The following SULF2 variants were observed in gnomAD, a reference collection of about 807,000 sequenced individuals.
SULF2 encodes extracellular sulfatase Sulf-2.
Under a neutral mutation model 107.7 loss-of-function variants are expected in SULF2, and 52 were observed. The ratio of observed to expected loss-of-function variants is 0.48; its 90% CI spans 0.39 to 0.61. The LOEUF (loss-of-function observed/expected upper bound fraction) is 0.61, where lower values mean the gene tolerates loss of function less well. SULF2 is among the 20% of genes least tolerant of loss of function. The probability of loss-of-function intolerance (pLI) is 0.00; values close to 1 mark genes in which losing one functional copy is unlikely to be tolerated. For synonymous variants in SULF2, 460 were observed against 464.3 expected, an observed-to-expected ratio of 0.99 and a Z score of 0.12; for missense variants, 993 against 1,177.3, an observed-to-expected ratio of 0.84 and a Z score of 2.29.
At chr20:47,661,742 C>A in intron 18 of SULF2, 31 bp downstream of exon 18, 1 of 1,500,660 alleles carries the variant, frequency 6.7e-7, no homozygotes, top group South Asian at 1.3e-5. Context: ...ACCCTGCTGT[C>A]CAAGGGCCCC....
chr20:47,678,685 G>A lies in SULF2; in HGVS notation c.1184C>T (p.Pro395Leu), dbSNP rs114538322. ...SILKLLDTER[P>L]VNRFHLKKKM... ...CCTGCTCCGTCCTCACCGATTCACCGGCCGCTCCGTGTCCAGCAGCTTGAG... is the reference window on the plus strand; with the variant it reads ...CCTGCTCCGTCCTCACCGATTCACCAGCCGCTCCGTGTCCAGCAGCTTGAG... The change falls in exon 8 of 21, where the codon CCG (proline) becomes CTG (leucine). Residue 395 changes from proline (P) to leucine (L), a missense_variant. Coordinates refer to ENST00000688720, the MANE Select transcript of SULF2 (RefSeq NM_001387048.1). This position sits in a 1 kb window ranked among gnomAD's most constrained non-coding sequence, Gnocchi z 4.5. 1.2e-4 allele frequency: 197 copies of A among 1,613,802 alleles called. No homozygotes were observed. The African/African-American group carries it at 2.1e-3, about 18-fold the overall frequency.
intron 1 of SULF2, among the ~76,000 whole-genome samples, chr20:47,781,879 G>A (rs982385180): frequency 6.6e-6 from 1 of 152,092 alleles, no homozygotes; most frequent in Non-Finnish European, 1.5e-5. Context: ...CAGAGCTGGA[G>A]AGACATCAGC....
chr20:47,732,488 A>G, intron 3 of SULF2, among the ~76,000 whole-genome samples: 1 of 152,232 alleles, frequency 6.6e-6, no homozygotes, highest in East Asian at 1.9e-4. Context: ...GATCACAGGC[A>G]GGGCAACAGC....
intron 2 of SULF2, among the ~76,000 whole-genome samples, chr20:47,741,543 G>T (rs2089882544): frequency 6.6e-6 from 1 of 152,084 alleles, no homozygotes; most frequent in African/African-American, 2.4e-5. Flanking sequence ...TTTATCTACT[G>T]ATCCCGTTTG....
chr20:47,733,871 T>C (rs1364745607), intron 3 of SULF2, among the ~76,000 whole-genome samples: 1 of 152,244 alleles, frequency 6.6e-6, no homozygotes, highest in African/African-American at 2.4e-5. Flanking sequence ...TTAAAAGCAC[T>C]ATTTATTATG....
intron 1 of SULF2, among the ~76,000 whole-genome samples, chr20:47,758,104 G>A (rs780010542): frequency 1.3e-5 from 2 of 152,074 alleles, no homozygotes; most frequent in Non-Finnish European, 2.9e-5. Flanking sequence ...TCAGTCTGCT[G>A]GGGATGCGTG....
intron 17 of SULF2, among the ~76,000 whole-genome samples, chr20:47,662,757 C>A (rs2087119362): frequency 6.6e-6 from 1 of 152,068 alleles, no homozygotes; most frequent in Non-Finnish European, 1.5e-5. Flanking sequence ...CTTGATCCTA[C>A]AGCCTGACAG....
chr20:47,731,197 T>TTTTTTTTTTATTTTTTTTTA (rs2089600705), intron 3 of SULF2, among the ~76,000 whole-genome samples: 7 of 105,882 alleles, frequency 6.6e-5, no homozygotes, highest in African/African-American at 2.4e-4. Flanking sequence ...CTTTTTTTTT[T>TTTTTTTTTTATTTTTTTTTA]TTTTTTTTTT....
intron 2 of SULF2, among the ~76,000 whole-genome samples, chr20:47,746,982 TAAAAAAAA>T (rs61191776): frequency 9.1e-5 from 11 of 121,144 alleles, no homozygotes; most frequent in African/African-American, 3.8e-4. Flanking sequence ...CTTAAATAAA[TAAAAAAAA>T]AAAAATATAT....
At chr20:47,779,447 C>T (rs890488304) in intron 1 of SULF2, among the ~76,000 whole-genome samples, 21 of 152,194 alleles carry the variant, frequency 1.4e-4, no homozygotes, top group Non-Finnish European at 1.2e-4. Flanking sequence ...ATTGATACCA[C>T]CACGGTCCAA....
rs114144218 is a variant in SULF2 at position 47,736,422 on chromosome 20, C to T, written c.415+281G>A. On this transcript the variant is annotated intron_variant, in intron 3 of 20. Coordinates refer to ENST00000688720, the MANE Select transcript of SULF2 (RefSeq NM_001387048.1). ...AGGATGCAAACTCATGCATGGGCAC[C>T]TTATGGCCTCTCCACACTATGATTC... Among the ~76,000 whole-genome samples the T allele has an allele frequency of 2.7e-3, 415 of 152,318 alleles. 1 individual carries two copies. Among genetic ancestry groups the T allele is most frequent in the African/African-American group, 9.3e-3 (387 of 41,564 alleles).
intron 3 of SULF2, among the ~76,000 whole-genome samples, chr20:47,732,042 C>T (rs1040311251): frequency 1.4e-5 from 2 of 145,656 alleles, no homozygotes; most frequent in Non-Finnish European, 3.0e-5. Context: ...TCGTCATCGT[C>T]ATTGCTAACT....
At chr20:47,702,218 C>T (rs968105895) in intron 4 of SULF2, among the ~76,000 whole-genome samples, 5 of 152,208 alleles carry the variant, frequency 3.3e-5, no homozygotes, top group East Asian at 1.9e-4. Context: ...CCACCACACC[C>T]GGCTAAGTTT....
intron 7 of SULF2, among the ~76,000 whole-genome samples, chr20:47,682,279 C>T (rs1363037579): frequency 6.6e-6 from 1 of 152,232 alleles, no homozygotes; most frequent in East Asian, 1.9e-4. Flanking sequence ...TGTGTGAGTG[C>T]TGGGTGTGTG....
intron 2 of SULF2, 36 bp downstream of exon 2, chr20:47,757,153 G>C (rs1600660661): frequency 6.6e-7 from 1 of 1,522,152 alleles, no homozygotes; most frequent in Non-Finnish European, 8.9e-7. Context: ...CCTGCTCCGA[G>C]GGGCCGAGGT....
chr20:47,701,958 C>T (rs911299569), intron 4 of SULF2, among the ~76,000 whole-genome samples: 1 of 152,208 alleles, frequency 6.6e-6, no homozygotes, highest in Non-Finnish European at 1.5e-5. Flanking sequence ...TTGAATGGTA[C>T]ACTCTGTGTA....
chr20:47,767,384 C>T (rs1307492406), intron 1 of SULF2, among the ~76,000 whole-genome samples: 1 of 152,222 alleles, frequency 6.6e-6, no homozygotes, highest in Non-Finnish European at 1.5e-5. Flanking sequence ...GCGGCTTACA[C>T]CTGTAATCCC....
In SULF2 at chr20:47,663,164, C is replaced by T; in HGVS notation, c.2276G>A (p.Cys759Tyr). Reference sequence around the variant, plus strand: ...GTGAGTCTCATTGATGGTCCTCATGCACCAGTACGTGTTATTGTTGGCGCT... The same window carrying T: ...GTGAGTCTCATTGATGGTCCTCATGTACCAGTACGTGTTATTGTTGGCGCT... ...CTSANNNTYW[C>Y]MRTINETHNF... The change falls in exon 17 of 21, where the codon TGC becomes TAC. Residue 759 changes from cysteine (C) to tyrosine (Y), a missense_variant. Cys to Tyr is a radical substitution (Grantham distance 194, BLOSUM62 -2). Transcript: ENST00000688720. The T allele has an allele frequency of 6.2e-7, 1 of 1,614,166 alleles. No homozygotes were observed. The highest frequency in any genetic ancestry group is 8.5e-7 in the Non-Finnish European group (1 of 1,180,032).
Position 47,672,115 on chromosome 20 carries a change from T to A in SULF2, c.1576+83A>T, listed in dbSNP as rs908253357. The A allele has an allele frequency of 2.1e-6, 3 of 1,412,192 alleles. No homozygotes were observed. The African/African-American group carries it at 4.3e-5, about 20-fold the overall frequency. The allele number at this position is 1,412,192 out of a possible 1,614,324, so 87.5% of individuals were successfully genotyped here. A position where few individuals can be genotyped will look rare whatever the true frequency, so the allele number is the denominator to read the frequency against. On this transcript the variant is annotated intron_variant, in intron 11 of 20. Transcript: ENST00000688720. ...CCACCTGGCAAAGTGACAGTCTCTGTGGAACTGTCGGAGTGAATGAATGGG... is the reference window on the plus strand; with the variant it reads ...CCACCTGGCAAAGTGACAGTCTCTGAGGAACTGTCGGAGTGAATGAATGGG...
Sources: allele counts gnomAD v4.1 joint callset (sites outside exome capture counted in the v4.1 genomes callset), GRCh38; gene constraint gnomAD v4.1.1; non-coding constraint Gnocchi (gnomAD v3.1); transcripts MANE v1.5; gene names NCBI Gene and HGNC (gene_info 2026-07-23, HGNC 2026-07-21).